Variants in RPH3A observed in about 807,000 individuals in gnomAD.
The protein encoded by RPH3A is rabphilin-3A.
Under a neutral mutation model 102.2 loss-of-function variants are expected in RPH3A, and 48 were observed. The ratio of observed to expected loss-of-function variants is 0.47; its 90% CI spans 0.37 to 0.60. The LOEUF (loss-of-function observed/expected upper bound fraction) is 0.60, where lower values mean the gene tolerates loss of function less well. RPH3A is among the 20% of genes least tolerant of loss of function. RPH3A has a pLI of 0.00. For synonymous variants in RPH3A, 310 were observed against 324.3 expected, an observed-to-expected ratio of 0.96 and a Z score of 0.47; for missense variants, 781 against 910.1, an observed-to-expected ratio of 0.86 and a Z score of 1.83.
At chr12:112,874,764 G>A (rs981784986) in intron 10 of RPH3A, 11 of 294,586 alleles carry the variant, frequency 3.7e-5, no homozygotes, top group East Asian at 7.0e-5. Flanking sequence ...TATCAGCTAA[G>A]TGATTATCTC....
At chr12:112,744,229 C>T (rs2040728682) in intron 1 of RPH3A, among the ~76,000 whole-genome samples, 1 of 152,140 alleles carries the variant, frequency 6.6e-6, no homozygotes, top group Non-Finnish European at 1.5e-5. Flanking sequence ...GCACCTGCTA[C>T]CATGCCTGGC....
chr12:112,739,162 C>T (rs1005143885), intron 1 of RPH3A, among the ~76,000 whole-genome samples: 6 of 152,148 alleles, frequency 3.9e-5, no homozygotes, highest in African/African-American at 1.2e-4. Context: ...CCAACCCTGC[C>T]TCCTCAAGAG....
intron 1 of RPH3A, among the ~76,000 whole-genome samples, chr12:112,580,073 A>T (rs2135957613): frequency 6.6e-6 from 1 of 152,306 alleles, no homozygotes; most frequent in Admixed American, 6.5e-5. Context: ...AGAGAGAGGA[A>T]CAAAAACAGA....
At chr12:112,803,630 A>T (rs1306822715) in intron 2 of RPH3A, among the ~76,000 whole-genome samples, 1 of 151,894 alleles carries the variant, frequency 6.6e-6, no homozygotes, top group Non-Finnish European at 1.5e-5. Flanking sequence ...AGTGCTTTTT[A>T]AAAAATAAAT....
Position 112,690,938 on chromosome 12 carries a change from A to G in RPH3A, c.-139-101205A>G, listed in dbSNP as rs2040301651. 3.3e-5 allele frequency among the ~76,000 whole-genome samples: 5 copies of G among 152,166 alleles called. No individual in the cohort carries two copies. The South Asian group carries it at 1.0e-3, about 31-fold the overall frequency. On this transcript the variant is annotated intron_variant, in intron 1 of 21. Transcript: ENST00000543106. ...AGGAGAGGGTAATTGTACTTATCCTATATAAATCTACACATTCTGACAAAA... is the reference window on the plus strand; with the variant it reads ...AGGAGAGGGTAATTGTACTTATCCTGTATAAATCTACACATTCTGACAAAA...
intron 2 of RPH3A, among the ~76,000 whole-genome samples, chr12:112,797,454 G>A (rs1017640019): frequency 6.6e-6 from 1 of 152,126 alleles, no homozygotes; most frequent in Non-Finnish European, 1.5e-5. Flanking sequence ...AGCTCTTGAT[G>A]CCCGGAGTCA....
In RPH3A at chr12:112,798,728, T is replaced by G. The variant is rs560916015; in HGVS notation, c.-19+6465T>G. ...GGTGCTAAGCCCCTAAGTCTCTGTC[T>G]TTATCTCTCCCCCTCTCTCTCCTTT... is the stretch of plus-strand genomic sequence containing the variant. On this transcript the variant is annotated intron_variant, in intron 2 of 21. Transcript: ENST00000389385. Among the ~76,000 whole-genome samples the G allele has an allele frequency of 2.0e-5, 3 of 152,198 alleles. No homozygotes were observed. The East Asian group carries it at 5.8e-4, about 29-fold the overall frequency.
Position 112,755,447 on chromosome 12 carries a change from A to G in RPH3A, c.-139-36696A>G, listed in dbSNP as rs73421260. Among the ~76,000 whole-genome samples, 529 of 152,244 alleles carry G rather than the reference A, an allele frequency of 3.5e-3. 5 individuals are homozygous for G. Among genetic ancestry groups the G allele is most frequent in the African/African-American group, 0.012 (496 of 41,526 alleles). Reference sequence around the variant, plus strand: ...GATGGTGTTATACAGGCACACCCTTAACAGAGCTCATGCTAGGTAGAGTGT... The same window carrying G: ...GATGGTGTTATACAGGCACACCCTTGACAGAGCTCATGCTAGGTAGAGTGT... On this transcript the variant is annotated intron_variant, in intron 1 of 21. Coordinates refer to the RPH3A transcript ENST00000543106.
chr12:112,850,623 C>T (rs576797086), intron 5 of RPH3A, among the ~76,000 whole-genome samples: 49 of 152,304 alleles, frequency 3.2e-4, no homozygotes, highest in Admixed American at 1.6e-3. Flanking sequence ...CTGGTAGCAT[C>T]GCCAGAGGCA....
intron 2 of RPH3A, among the ~76,000 whole-genome samples, chr12:112,806,604 G>A (rs1265191735): frequency 6.6e-6 from 1 of 151,880 alleles, no homozygotes; most frequent in Non-Finnish European, 1.5e-5. Context: ...ACTCCAGCCT[G>A]GGTGACAGAG....
At chr12:112,676,889 A>G (rs1374555029) in intron 1 of RPH3A, among the ~76,000 whole-genome samples, 1 of 152,154 alleles carries the variant, frequency 6.6e-6, no homozygotes. Flanking sequence ...AATATTAGGG[A>G]GGAAGGTTGA....
chr12:112,789,617 T>C (rs546856650), upstream of RPH3A, among the ~76,000 whole-genome samples: 3 of 152,206 alleles, frequency 2.0e-5, no homozygotes, highest in Admixed American at 2.0e-4. Context: ...CAGAAGATGA[T>C]ACATGTAAAG....
chr12:112,674,212 C>T (rs989260589), intron 1 of RPH3A, among the ~76,000 whole-genome samples: 4 of 152,138 alleles, frequency 2.6e-5, no homozygotes, highest in Admixed American at 6.5e-5. Context: ...TGTGTGCCAC[C>T]GCACTTGGCT....
intron 1 of RPH3A, among the ~76,000 whole-genome samples, chr12:112,622,275 A>G (rs1460028936): frequency 1.3e-5 from 1 of 75,834 alleles, no homozygotes; most frequent in African/African-American, 1.4e-4. Flanking sequence ...ACGGGAGGAC[A>G]TTCAAACCAA....
At chr12:112,871,794 A>ATT (rs2042713636) in intron 10 of RPH3A, among the ~76,000 whole-genome samples, 1 of 149,324 alleles carries the variant, frequency 6.7e-6, no homozygotes, top group Admixed American at 6.7e-5. Flanking sequence ...TACAATATAC[A>ATT]GTATACGTTA....
chr12:112,766,228 T>C (rs1220836572), intron 1 of RPH3A, among the ~76,000 whole-genome samples: 2 of 152,202 alleles, frequency 1.3e-5, no homozygotes, highest in Non-Finnish European at 2.9e-5. Flanking sequence ...TCATGTTGTA[T>C]GGATGGCAAC....
At chr12:112,726,572 C>T (rs1370969753) in intron 1 of RPH3A, among the ~76,000 whole-genome samples, 3 of 152,106 alleles carry the variant, frequency 2.0e-5, no homozygotes, top group African/African-American at 7.2e-5. Flanking sequence ...ACAGGGAACC[C>T]CCAAATACCC....
rs534841491 is a variant in RPH3A, at chr12:112,634,449, A to G, written c.-140+59130A>G. Among the ~76,000 whole-genome samples, 22 of 147,706 alleles carry G rather than the reference A, an allele frequency of 1.5e-4. No homozygotes were observed. The East Asian group carries it at 3.3e-3, about 22-fold the overall frequency. On this transcript the variant is annotated intron_variant, in intron 1 of 21. Transcript: ENST00000543106. Reference sequence around the variant, plus strand: ...CGGGCACCTGTGGTCCCAGCTACTCAGGAGGCTGAGGCGGGAGAATTGCTT... The same window carrying G: ...CGGGCACCTGTGGTCCCAGCTACTCGGGAGGCTGAGGCGGGAGAATTGCTT...
At chr12:112,877,163 T>C (rs754875302) in intron 13 of RPH3A, among the ~76,000 whole-genome samples, 2 of 152,150 alleles carry the variant, frequency 1.3e-5, no homozygotes, top group African/African-American at 2.4e-5. Flanking sequence ...GACTACATTC[T>C]TGATGTTCAG....
Sources: gnomAD v4.1 joint callset for allele counts (sites outside exome capture counted in the v4.1 genomes callset) on GRCh38, gnomAD v4.1.1 for gene constraint, MANE v1.5 for transcripts, NCBI Gene and HGNC (gene_info 2026-07-23, HGNC 2026-07-21) for gene names.